NEO1: variants seen among roughly 807,000 people sequenced by gnomAD.
NEO1 encodes the protein neogenin.
Under a neutral mutation model 159.7 loss-of-function variants are expected in NEO1, and 63 were observed. The observed-to-expected ratio is 0.39, with a 90% confidence interval of 0.32 to 0.49. The LOEUF (loss-of-function observed/expected upper bound fraction) is 0.49. NEO1 is among the 20% of genes least tolerant of loss of function. NEO1 has a pLI of 0.85. For synonymous variants in NEO1, 633 were observed against 662.0 expected, an observed-to-expected ratio of 0.96 and a Z score of 0.67; for missense variants, 1,615 against 1,831.0, an observed-to-expected ratio of 0.88 and a Z score of 2.15.
chr15:73,285,196 T>C (rs2041894939), intron 23 of NEO1, among the ~76,000 whole-genome samples: 1 of 152,136 alleles, frequency 6.6e-6, no homozygotes. Context: ...CTCATCTCAC[T>C]GCAACCTCCA....
chr15:73,167,697 G>A (rs1958319838), intron 5 of NEO1, among the ~76,000 whole-genome samples: 1 of 152,154 alleles, frequency 6.6e-6, no homozygotes, highest in Non-Finnish European at 1.5e-5. Flanking sequence ...GATTAAGTAT[G>A]TTTAACTTTG....
chr15:73,177,755 G>T (rs1206100020), intron 6 of NEO1, among the ~76,000 whole-genome samples: 1 of 152,070 alleles, frequency 6.6e-6, no homozygotes, highest in Non-Finnish European at 1.5e-5. Context: ...TGCTCAGTCT[G>T]GTCTTCAGCG....
At chr15:73,207,847 A>G (rs973681268) in intron 7 of NEO1, among the ~76,000 whole-genome samples, 1 of 152,210 alleles carries the variant, frequency 6.6e-6, no homozygotes, top group African/African-American at 2.4e-5. Flanking sequence ...TTATTTAAAT[A>G]TGATTAAAGG....
At position 73,233,862 on chromosome 15, in the gene NEO1, T is replaced by G. The variant is rs1838422021; in HGVS notation, c.1292-2485T>G. The stretch of plus-strand genomic sequence containing the variant: ...CGCAGAGCTTCCACATGCACTTTTC[T>G]TGTTTGGTATTTGTCTGGTTCATAT... On this transcript the variant is annotated intron_variant, in intron 7 of 28. Coordinates refer to ENST00000261908, the MANE Select transcript of NEO1 (RefSeq NM_002499.4). Among the ~76,000 whole-genome samples, 3 of 152,356 alleles carry G rather than the reference T, an allele frequency of 2.0e-5. No individual in the cohort carries two copies. The South Asian group carries it at 6.2e-4, about 32-fold the overall frequency.
intron 1 of NEO1, among the ~76,000 whole-genome samples, chr15:73,071,464 G>GA (rs1364702950): frequency 1.3e-5 from 2 of 152,168 alleles, no homozygotes; most frequent in Non-Finnish European, 1.5e-5. Flanking sequence ...CTCCTCCAGG[G>GA]AAAAATGTAA....
rs376822156 is a variant in NEO1, at chr15:73,135,863, CTTT to C, written c.879-10_879-8del. 27,219 of 1,244,110 alleles carry C rather than the reference CTTT, an allele frequency of 0.022. No individual in the cohort carries two copies. The highest frequency in any genetic ancestry group is 0.038 in the South Asian group (1,885 of 50,182). The allele number at this position is 1,244,110 out of a possible 1,614,324, so 77.1% of individuals were successfully genotyped here. A position where few individuals can be genotyped will look rare whatever the true frequency, so the allele number is the denominator to read the frequency against. ...TTATTTTCCTAGTACTGAAATGTAT[CTTT>C]TTTTTTTTTTTTTTTTTAACACAGC... On this transcript the variant is annotated intron_variant, in intron 4 of 28. Coordinates refer to ENST00000261908, the MANE Select transcript of NEO1 (RefSeq NM_002499.4).
At chr15:73,215,451 C>T (rs2037821861) in intron 7 of NEO1, among the ~76,000 whole-genome samples, 1 of 152,106 alleles carries the variant, frequency 6.6e-6, no homozygotes, top group African/African-American at 2.4e-5. Context: ...GAAGTATGTC[C>T]CTTGTATGCT....
chr15:73,293,266 A>G, intron 25 of NEO1, 124 bp from the exon 26 acceptor site: 1 of 1,229,166 alleles, frequency 8.1e-7, no homozygotes, highest in Non-Finnish European at 1.2e-6. Flanking sequence ...GCTGCCACCA[A>G]AAAACCAAGG....
At chr15:73,181,565 T>A (rs935186041) in intron 7 of NEO1, among the ~76,000 whole-genome samples, 5 of 152,044 alleles carry the variant, frequency 3.3e-5, no homozygotes, top group African/African-American at 1.2e-4. Context: ...CTTCCAATCA[T>A]GGTGGAAGGC....
chr15:73,188,819 T>G (rs1266280158), intron 7 of NEO1, among the ~76,000 whole-genome samples: 1 of 152,190 alleles, frequency 6.6e-6, no homozygotes, highest in Non-Finnish European at 1.5e-5. Flanking sequence ...AAATTTAGGC[T>G]GGGTGCAGTG....
chr15:73,258,090 A>G (rs942845481), intron 13 of NEO1, among the ~76,000 whole-genome samples: 2 of 152,190 alleles, frequency 1.3e-5, no homozygotes, highest in South Asian at 4.1e-4. Context: ...CCTGGTTTGT[A>G]GAATAGACTT....
intron 1 of NEO1, among the ~76,000 whole-genome samples, chr15:73,111,614 A>G (rs2070995046): frequency 6.6e-6 from 1 of 152,046 alleles, no homozygotes; most frequent in Admixed American, 6.6e-5. Flanking sequence ...TTATTTATTT[A>G]GAGACAAGGT....
At chr15:73,124,469 A>G (rs1272780062) in intron 3 of NEO1, among the ~76,000 whole-genome samples, 1 of 152,138 alleles carries the variant, frequency 6.6e-6, no homozygotes, top group Non-Finnish European at 1.5e-5. Flanking sequence ...TATAATCTTA[A>G]TACCACTTCC....
chr15:73,227,552 G>A (rs747585313), intron 7 of NEO1, among the ~76,000 whole-genome samples: 4 of 152,116 alleles, frequency 2.6e-5, no homozygotes, highest in South Asian at 2.1e-4. Flanking sequence ...GAACTTCCAC[G>A]GAACAATTCA....
intron 26 of NEO1, among the ~76,000 whole-genome samples, chr15:73,295,145 T>TATATATATATATATATATAA (rs1306550657): frequency 4.4e-5 from 6 of 134,928 alleles, no homozygotes; most frequent in Non-Finnish European, 8.2e-5. Context: ...TATATATATG[T>TATATATATATATATATATAA]AAAAATTTGG....
chr15:73,083,355 G>C (rs895374499), intron 1 of NEO1, among the ~76,000 whole-genome samples: 2 of 152,044 alleles, frequency 1.3e-5, no homozygotes, highest in Non-Finnish European at 2.9e-5. Context: ...TGGGATGGAA[G>C]GGGGAGAGGT....
At chr15:73,077,927 G>T (rs529570694) in intron 1 of NEO1, among the ~76,000 whole-genome samples, 5 of 152,172 alleles carry the variant, frequency 3.3e-5, no homozygotes, top group Non-Finnish European at 7.3e-5. Flanking sequence ...TGTCCATTGC[G>T]CAGGATGTTG....
At chr15:73,263,239 G>A (rs919077247) in intron 15 of NEO1, among the ~76,000 whole-genome samples, 2 of 148,240 alleles carry the variant, frequency 1.3e-5, no homozygotes, top group African/African-American at 5.0e-5. Context: ...TGTTGCCCAG[G>A]CTGGAGGGCA....
At chr15:73,293,608 T>C in intron 26 of NEO1, 60 bp downstream of exon 26, 1 of 1,555,774 alleles carries the variant, frequency 6.4e-7, no homozygotes, top group South Asian at 1.2e-5. Flanking sequence ...CAAGCAGAAA[T>C]GGGGAAGGAC....
Sources: gnomAD v4.1 joint callset for allele counts (sites outside exome capture counted in the v4.1 genomes callset) on GRCh38, gnomAD v4.1.1 for gene constraint, MANE v1.5 for transcripts, NCBI Gene and HGNC (gene_info 2026-07-23, HGNC 2026-07-21) for gene names.